The following TSNARE1 variants were observed in gnomAD, a reference collection of about 807,000 sequenced individuals.
TSNARE1 encodes the protein t-SNARE domain containing 1.
In TSNARE1, 49 loss-of-function variants were observed where a neutral mutation model predicts 62.0. The ratio of observed to expected loss-of-function variants is 0.79; its 90% CI spans 0.63 to 1.00. The LOEUF (loss-of-function observed/expected upper bound fraction) is 1.00, where lower values mean the gene tolerates loss of function less well. TSNARE1 is among the 50% of genes least tolerant of loss of function. The pLI is 0.00. For missense variants in TSNARE1, 755 were observed against 700.1 expected (o/e 1.08, Z -0.88); for synonymous variants, 328 against 294.4 (o/e 1.11, Z -1.17).
At chr8:142,232,546 C>G (rs1468980442) in intron 12 of TSNARE1, among the ~76,000 whole-genome samples, 2 of 152,206 alleles carry the variant, frequency 1.3e-5, no homozygotes, top group Non-Finnish European at 1.5e-5. Flanking sequence ...AGGGGCGGAC[C>G]CGGATGTAGC....
chr8:142,249,325 C>T (rs551435949), intron 12 of TSNARE1, among the ~76,000 whole-genome samples: 2 of 152,092 alleles, frequency 1.3e-5, no homozygotes, highest in African/African-American at 2.4e-5. Flanking sequence ...GCTGGGCAGC[C>T]GGCAAGGAAC....
At chr8:142,331,584 C>G (rs1831041964) in intron 5 of TSNARE1, among the ~76,000 whole-genome samples, 170 bp downstream of exon 5, 1 of 152,192 alleles carries the variant, frequency 6.6e-6, no homozygotes, top group South Asian at 2.1e-4. Flanking sequence ...ACGGGGGAAG[C>G]CATCCAGCAC....
chr8:142,231,904 G>A (rs1019306486), intron 12 of TSNARE1, among the ~76,000 whole-genome samples: 1 of 152,216 alleles, frequency 6.6e-6, no homozygotes, highest in Non-Finnish European at 1.5e-5. Context: ...TGCCCTGTAT[G>A]TGCCATAAGA....
intron 2 of TSNARE1, among the ~76,000 whole-genome samples, chr8:142,352,779 G>C (rs572701986): frequency 6.6e-6 from 1 of 152,308 alleles, no homozygotes; most frequent in South Asian, 2.1e-4. Flanking sequence ...TGAAGAACCA[G>C]CAAGATGCGG....
In TSNARE1 at chr8:142,400,799, G is replaced by A. The variant is rs188435297; in HGVS notation, c.-40+2305C>T. 1.8e-3 allele frequency among the ~76,000 whole-genome samples: 276 copies of A among 152,298 alleles called. 2 individuals are homozygous for A. The highest frequency in any genetic ancestry group is 5.9e-3 in the African/African-American group (246 of 41,558). ...CTGAACAAATGACGTCCTAGAACCCGACAGTTGAGGGACTCACGGCAAGAT... is the reference window on the plus strand; with the variant it reads ...CTGAACAAATGACGTCCTAGAACCCAACAGTTGAGGGACTCACGGCAAGAT... On this transcript the variant is annotated intron_variant, in intron 1 of 13. Transcript: ENST00000524325.
At chr8:142,315,229 C>T in intron 7 of TSNARE1, 137 bp from the exon 8 acceptor site, 1 of 827,568 alleles carries the variant, frequency 1.2e-6, no homozygotes, top group Non-Finnish European at 1.9e-6. Context: ...TACTTCCCCT[C>T]CGTGTCACCG....
intron 1 of TSNARE1, among the ~76,000 whole-genome samples, chr8:142,391,157 T>G (rs1405658602): frequency 1.5e-4 from 18 of 123,450 alleles, no homozygotes; most frequent in East Asian, 1.0e-3. Context: ...TGTACACTGC[T>G]GGGGACTCTG....
At chr8:142,344,902 C>T (rs899312610) in intron 3 of TSNARE1, among the ~76,000 whole-genome samples, 3 of 152,244 alleles carry the variant, frequency 2.0e-5, no homozygotes, top group Admixed American at 2.0e-4. Flanking sequence ...AGGCTCCTGC[C>T]TACCTGCCCA....
At chr8:142,344,531 C>T (rs746039480) in intron 3 of TSNARE1, 59 bp from the exon 4 acceptor site, 12 of 1,423,140 alleles carry the variant, frequency 8.4e-6, no homozygotes, top group Middle Eastern at 2.5e-4. Flanking sequence ...GCAGCGGCCC[C>T]GGCGGCAGCT....
intron 1 of TSNARE1, among the ~76,000 whole-genome samples, chr8:142,360,771 C>T (rs574217801): frequency 3.9e-5 from 6 of 152,228 alleles, no homozygotes; most frequent in South Asian, 4.1e-4. Context: ...TGGGACAAAG[C>T]GCCCCGGCCC....
intron 1 of TSNARE1, among the ~76,000 whole-genome samples, chr8:142,379,515 G>A (rs1238375439): frequency 6.6e-6 from 1 of 152,252 alleles, no homozygotes; most frequent in Non-Finnish European, 1.5e-5. Flanking sequence ...CCAGGGGCAC[G>A]ATGGGGAACG....
intron 1 of TSNARE1, among the ~76,000 whole-genome samples, chr8:142,362,981 C>T (rs769172313): frequency 8.5e-5 from 13 of 152,174 alleles, no homozygotes; most frequent in Non-Finnish European, 1.3e-4. Context: ...AATCCCTGGA[C>T]GCTCGGGTCC....
intron 1 of TSNARE1, among the ~76,000 whole-genome samples, chr8:142,378,554 A>G (rs1408590351): frequency 6.6e-6 from 1 of 152,230 alleles, no homozygotes; most frequent in African/African-American, 2.4e-5. Flanking sequence ...AGCCGAGAGT[A>G]AAGTTCTCCC....
At chr8:142,238,081 T>C (rs1391146669) in intron 12 of TSNARE1, among the ~76,000 whole-genome samples, 2 of 152,098 alleles carry the variant, frequency 1.3e-5, no homozygotes, top group African/African-American at 2.4e-5. Flanking sequence ...ATGCTGTGAC[T>C]GTCAGGCATC....
At chr8:142,272,225 C>A (rs530413846) in intron 12 of TSNARE1, among the ~76,000 whole-genome samples, 113 of 152,128 alleles carry the variant, frequency 7.4e-4, no homozygotes, top group Non-Finnish European at 1.4e-3. Flanking sequence ...CCCATCTACT[C>A]CTTCCTCCTT....
chr8:142,285,203 A>G (rs1250187509), intron 10 of TSNARE1, among the ~76,000 whole-genome samples: 1 of 126,870 alleles, frequency 7.9e-6, no homozygotes, highest in Non-Finnish European at 1.7e-5. Context: ...TGGATGGGCG[A>G]GTGGATGGAC....
chr8:142,275,378 G>C, intron 11 of TSNARE1: 1 of 985,422 alleles, frequency 1.0e-6, no homozygotes, highest in African/African-American at 1.7e-5. Context: ...AGAAAGTTGT[G>C]CTGCCGTGCG....
At chr8:142,302,415 G>A (rs1040309848) in intron 9 of TSNARE1, among the ~76,000 whole-genome samples, 3 of 152,094 alleles carry the variant, frequency 2.0e-5, no homozygotes, top group Non-Finnish European at 2.9e-5. Flanking sequence ...CCGATGCCTC[G>A]GGGCCTTCTG....
chr8:142,325,867 G>T (rs1172211501), intron 6 of TSNARE1, among the ~76,000 whole-genome samples: 1 of 150,898 alleles, frequency 6.6e-6, no homozygotes, highest in East Asian at 1.9e-4. Context: ...CCAGTGAAGG[G>T]GAGGGGCCCC....
Sources: gnomAD v4.1 joint callset for allele counts (sites outside exome capture counted in the v4.1 genomes callset) on GRCh38, gnomAD v4.1.1 for gene constraint, MANE v1.5 for transcripts, NCBI Gene and HGNC (gene_info 2026-07-23, HGNC 2026-07-21) for gene names.